Variants in ERLEC1 observed in about 807,000 individuals in gnomAD.
ERLEC1 encodes the protein ER lectin.
A neutral mutation model predicts 68.0 loss-of-function variants in ERLEC1; 47 were observed. The observed-to-expected ratio is 0.69, with a 90% confidence interval of 0.55 to 0.88. The LOEUF (loss-of-function observed/expected upper bound fraction) is 0.88, where lower values mean the gene tolerates loss of function less well. ERLEC1 is among the 40% of genes least tolerant of loss of function. ERLEC1 has a pLI of 0.00. For synonymous variants in ERLEC1, 225 were observed against 203.2 expected (o/e 1.11, Z -0.91); for missense variants, 567 against 583.8 (o/e 0.97, Z 0.30).
intron 8 of ERLEC1, among the ~76,000 whole-genome samples, chr2:53,806,957 T>G (rs926000282): frequency 6.6e-6 from 1 of 152,202 alleles, no homozygotes; most frequent in African/African-American, 2.4e-5. Context: ...GTCACTCCCT[T>G]ACTTTAGATT....
At chr2:53,816,556 AC>A (rs1676896995) in intron 13 of ERLEC1, among the ~76,000 whole-genome samples, 1 of 152,044 alleles carries the variant, frequency 6.6e-6, no homozygotes, top group African/African-American at 2.4e-5. Flanking sequence ...GGTGTGAGCC[AC>A]CCGCACCCAG....
At chr2:53,787,639 T>G in intron 1 of ERLEC1, 4 of 362,728 alleles carry the variant, frequency 1.1e-5, no homozygotes, top group East Asian at 4.2e-5. Flanking sequence ...CTTCCCAACA[T>G]TCCCACCCTG....
intron 5 of ERLEC1, 71 bp from the exon 6 acceptor site, chr2:53,798,975 TG>T: frequency 7.6e-7 from 1 of 1,308,568 alleles, no homozygotes. Context: ...GTTACAAAGG[TG>T]GTTGAAAACT....
chr2:53,788,473 A>T (rs1438827014), intron 1 of ERLEC1: 1 of 151,986 alleles, frequency 6.6e-6, no homozygotes, highest in Non-Finnish European at 1.5e-5. Context: ...TACGGTCACC[A>T]CTGGCTGCAG....
At chr2:53,791,337 C>G (rs1675381933) in intron 1 of ERLEC1, among the ~76,000 whole-genome samples, 1 of 152,178 alleles carries the variant, frequency 6.6e-6, no homozygotes, top group Non-Finnish European at 1.5e-5. Flanking sequence ...TGTCAAATCG[C>G]TAATTTCCTC....
chr2:53,801,591 A>C lies in ERLEC1; in HGVS notation c.720A>C (p.Thr240=). 1.9e-6 allele frequency: 3 copies of C among 1,614,048 alleles called. No homozygotes were observed. In the South Asian group the frequency reaches 3.3e-5, roughly 18 times the overall value. The change falls in exon 7 of 14, where the codon ACA becomes ACC. Residue 240 remains threonine, a synonymous_variant. Coordinates refer to ENST00000185150, the MANE Select transcript of ERLEC1 (RefSeq NM_015701.5). ...TTCEYEVVIL[T]PLLCSHPKYR... ...GTGAATATGAAGTTGTCATTTTGAC[A>C]CCACTCTTGTGCAGTCATCCTAAAT...
intron 13 of ERLEC1, 21 bp from the exon 14 acceptor site, chr2:53,817,877 G>A (rs1474921856): frequency 6.4e-7 from 1 of 1,554,030 alleles, no homozygotes; most frequent in Non-Finnish European, 8.9e-7. Context: ...ACTTTTTAAT[G>A]GCTTTGTTGT....
chr2:53,808,550 T>G, intron 9 of ERLEC1, 90 bp downstream of exon 9: 1 of 1,308,978 alleles, frequency 7.6e-7, no homozygotes, highest in Non-Finnish European at 1.1e-6. Context: ...GAAAAGAATT[T>G]TTCTCTAGAG....
chr2:53,799,634 A>G (rs1247708269), intron 6 of ERLEC1, among the ~76,000 whole-genome samples: 1 of 152,164 alleles, frequency 6.6e-6, no homozygotes, highest in Admixed American at 6.5e-5. Flanking sequence ...ATCTAATCAC[A>G]ATTTTTAAAT....
Position 53,817,679 on chromosome 2 carries a change from C to T in ERLEC1, c.1381-219C>T, listed in dbSNP as rs967702392. Among the ~76,000 whole-genome samples, 6 of 152,050 alleles carry T rather than the reference C, an allele frequency of 3.9e-5. No individual in the cohort carries two copies. The South Asian group carries it at 6.2e-4, about 16-fold the overall frequency. The stretch of plus-strand genomic sequence containing the variant: ...TGTCCTTTGTTCCTTTTCCCTCCCC[C>T]GCTTGTTTAAAAATATTTTCTCCAC... On this transcript the variant is annotated intron_variant, in intron 13 of 13. Transcript: ENST00000185150.
In ERLEC1 at chr2:53,807,500, G is replaced by T. The variant is rs377492701; in HGVS notation, c.880-799G>T. Among the ~76,000 whole-genome samples, 31 of 152,128 alleles carry T rather than the reference G, an allele frequency of 2.0e-4. 1 individual carries two copies. In the East Asian group the frequency reaches 2.5e-3, roughly 12 times the overall value. On this transcript the variant is annotated intron_variant, in intron 8 of 13. Transcript: ENST00000185150. ...AGCTCACTGCAACCTCCACCTCCCA[G>T]GTTCAAGAGATTATCATGCCTCAAC...
chr2:53,809,613 G>A (rs1443574967), intron 10 of ERLEC1, among the ~76,000 whole-genome samples: 1 of 152,128 alleles, frequency 6.6e-6, no homozygotes, highest in African/African-American at 2.4e-5. Flanking sequence ...AGCCGGGAGT[G>A]GTGCCGCATG....
chr2:53,806,930 T>C (rs978971153), intron 8 of ERLEC1, among the ~76,000 whole-genome samples: 1 of 152,188 alleles, frequency 6.6e-6, no homozygotes, highest in African/African-American at 2.4e-5. Context: ...ATTACCCTTT[T>C]CTCTACATCC....
chr2:53,805,066 C>G (rs975191406), intron 8 of ERLEC1, among the ~76,000 whole-genome samples: 11 of 140,048 alleles, frequency 7.9e-5, no homozygotes, highest in African/African-American at 3.0e-4. Flanking sequence ...GCAATCTCTG[C>G]TCACTCCAAC....
chr2:53,797,874 T>TC (rs1488324597), intron 5 of ERLEC1, 79 bp downstream of exon 5: 20 of 1,282,936 alleles, frequency 1.6e-5, no homozygotes, highest in Non-Finnish European at 2.1e-5. Flanking sequence ...TTTACGAGAT[T>TC]TTTTTTTTGG....
intron 5 of ERLEC1, among the ~76,000 whole-genome samples, chr2:53,798,269 CTT>C (rs981155987): frequency 6.8e-6 from 1 of 146,150 alleles, no homozygotes; most frequent in African/African-American, 2.5e-5. Context: ...TTGTTTTCAC[CTT>C]TTTTTTTTTA....
chr2:53,814,995 C>CTTTTTTTT (rs777632156), intron 13 of ERLEC1, 60 bp downstream of exon 13: 1,092 of 470,032 alleles, frequency 2.3e-3, no homozygotes, highest in African/African-American at 6.4e-3. Flanking sequence ...ATTTTTTTTT[C>CTTTTTTTT]TTTTTTTTTT....
intron 11 of ERLEC1, 101 bp downstream of exon 11, chr2:53,813,174 G>T: frequency 7.1e-7 from 1 of 1,398,780 alleles, no homozygotes; most frequent in Non-Finnish European, 9.7e-7. Flanking sequence ...TAAAATCCCT[G>T]TTTAGTTTTT....
chr2:53,799,045 A>G lies in ERLEC1; in HGVS notation c.491-2A>G, dbSNP rs1675868371. On this transcript the variant is annotated splice_acceptor_variant, in intron 5 of 13. Coordinates refer to ENST00000185150, the MANE Select transcript of ERLEC1 (RefSeq NM_015701.5). LOFTEE classifies it high-confidence loss of function. Reference sequence around the variant, plus strand: ...CTTTACACTTACCTTATTATTCCACAGAACGAGAAGCAGAAGAAAAGGAAA... The same window carrying G: ...CTTTACACTTACCTTATTATTCCACGGAACGAGAAGCAGAAGAAAAGGAAA... 1 of 1,612,336 alleles carries G rather than the reference A, an allele frequency of 6.2e-7. No individual in the cohort carries two copies. Among genetic ancestry groups the G allele is most frequent in the African/African-American group, 1.3e-5 (1 of 74,914 alleles).
Sources: allele counts gnomAD v4.1 joint callset (sites outside exome capture counted in the v4.1 genomes callset), GRCh38; gene constraint gnomAD v4.1.1; transcripts MANE v1.5; gene names NCBI Gene and HGNC (gene_info 2026-07-23, HGNC 2026-07-21).